Variants in ZNF615 observed in about 807,000 individuals in gnomAD.
ZNF615 encodes the protein zinc finger protein 615.
Under a neutral mutation model 15.3 loss-of-function variants are expected in ZNF615, and 15 were observed. The observed-to-expected ratio is 0.98, with a 90% CI of 0.66 to 1.51. The LOEUF (loss-of-function observed/expected upper bound fraction) is 1.51. ZNF615 is among the 40% of genes most tolerant of loss of function. ZNF615 has a pLI of 0.00. For missense variants in ZNF615, 848 were observed against 895.9 expected, an observed-to-expected ratio of 0.95 and a Z score of 0.68; for synonymous variants, 268 against 294.6, an observed-to-expected ratio of 0.91 and a Z score of 0.92.
intron 4 of ZNF615, 65 bp from the exon 5 acceptor site, chr19:52,001,973 G>C: frequency 4.4e-6 from 7 of 1,600,600 alleles, no homozygotes; most frequent in Non-Finnish European, 6.0e-6. Context: ...TGAAAAAGGA[G>C]AGTTACATTT....
intron 1 of ZNF615, 107 bp downstream of exon 1, chr19:52,008,034 C>T (rs1025054904): frequency 1.7e-5 from 19 of 1,089,086 alleles, no homozygotes; most frequent in Non-Finnish European, 2.5e-5. Flanking sequence ...TCGCCAAACG[C>T]TGGCGCCGAC....
At position 51,993,088 on chromosome 19, in the gene ZNF615, C is replaced by A; in HGVS notation, c.2021G>T (p.Arg674Leu). The change falls in exon 7 of 7, where the codon CGC (arginine) becomes CTC (leucine). Residue 674 changes from arginine to leucine, a missense_variant. Coordinates refer to ENST00000598071, the MANE Select transcript of ZNF615 (RefSeq NM_001199324.2). ...CTGATGTGTAATAAGATCATTTTTG[C>A]GCAAAGAGAATTTTCCACATTCAGT... ...ACTECGKFSL[R>L]KNDLITHQRI... 2 of 1,614,062 alleles carry A rather than the reference C, an allele frequency of 1.2e-6. No individual in the cohort carries two copies. Among genetic ancestry groups the A allele is most frequent in the Non-Finnish European group, 1.7e-6 (2 of 1,179,996 alleles).
rs1180013165 is a variant in ZNF615, at chr19:51,993,155, G to C, written c.1954C>G (p.Gln652Glu). Residue 652 changes from glutamine to glutamate, a missense_variant, in exon 7 of 7, where the codon CAA (glutamine) becomes GAA (glutamate). Coordinates refer to ENST00000598071, the MANE Select transcript of ZNF615 (RefSeq NM_001199324.2). Reference protein sequence around the residue: ...KTFRKKTCLIQHQRFHTGKTS... With the variant: ...KTFRKKTCLIEHQRFHTGKTS... ...TTTCCTGTGTGAAATCGCTGATGTT[G>C]TATGAGGCATGTCTTCTTCCTGAAG... is the stretch of plus-strand genomic sequence containing the variant. The C allele has an allele frequency of 6.2e-7, 1 of 1,614,168 alleles. No individual in the cohort carries two copies. Among genetic ancestry groups the C allele is most frequent in the East Asian group, 2.2e-5 (1 of 44,888 alleles).
At position 51,992,152 on chromosome 19, in the gene ZNF615, T is replaced by C. The variant is rs142352622; in HGVS notation, c.*728A>G. 1 of 152,268 alleles carries C rather than the reference T, an allele frequency of 6.6e-6. No homozygotes were observed. The highest frequency in any genetic ancestry group is 1.9e-4 in the East Asian group (1 of 5,176). The allele number at this position is 152,268 out of a possible 1,614,324, so 9.4% of individuals were successfully genotyped here. On this transcript the variant is annotated 3_prime_UTR_variant, in exon 7 of 7. Coordinates refer to ENST00000598071, the MANE Select transcript of ZNF615 (RefSeq NM_001199324.2). ...CAAAGAAATGCAGGAGCTAATCATA[T>C]AATAAAATGAGGCAGGCATAAAATA...
Position 51,991,746 on chromosome 19 carries a change from A to G in ZNF615, c.*1134T>C, listed in dbSNP as rs927884137. The G allele has an allele frequency of 2.0e-5, 3 of 152,190 alleles. No individual in the cohort carries two copies. Among genetic ancestry groups the G allele is most frequent in the Non-Finnish European group, 4.4e-5 (3 of 68,044 alleles). 9.4% of individuals were successfully genotyped at this position (152,190 alleles called of 1,614,324 possible). ...CAATATATGTGTTAAGATTTCTTAAAGCTACATATAAAAAACAAACAAAAA... is the reference window on the plus strand; with the variant it reads ...CAATATATGTGTTAAGATTTCTTAAGGCTACATATAAAAAACAAACAAAAA... On this transcript the variant is annotated 3_prime_UTR_variant, in exon 7 of 7. Coordinates refer to ENST00000598071, the MANE Select transcript of ZNF615 (RefSeq NM_001199324.2).
At position 51,993,137 on chromosome 19, in the gene ZNF615, T is replaced by C. The variant is rs1599976400; in HGVS notation, c.1972A>G (p.Thr658Ala). The C allele has an allele frequency of 6.2e-7, 1 of 1,614,242 alleles. No homozygotes were observed. Among genetic ancestry groups the C allele is most frequent in the Non-Finnish European group, 8.5e-7 (1 of 1,180,040 alleles). ...GTACATGCAAAGGAAGTCTTTCCTG[T>C]GTGAAATCGCTGATGTTGTATGAGG... Reference protein sequence around the residue: ...TCLIQHQRFHTGKTSFACTEC... With the variant: ...TCLIQHQRFHAGKTSFACTEC... Residue 658 changes from threonine (T) to alanine (A), a missense_variant, in exon 7 of 7, where the codon ACA becomes GCA. Physicochemically the swap from Thr to Ala is moderately conservative, Grantham distance 58. Transcript: ENST00000598071.
rs368758146 is a variant in ZNF615 at position 51,993,963 on chromosome 19, G to A, written c.1146C>T (p.Pro382=). The A allele has an allele frequency of 6.2e-7, 1 of 1,612,060 alleles. No individual in the cohort carries two copies. Among genetic ancestry groups the A allele is most frequent in the East Asian group, 2.2e-5 (1 of 44,772 alleles). Residue 382 remains proline (P), a synonymous_variant, in exon 7 of 7, where the codon CCC becomes CCT. Transcript: ENST00000598071. ...AHHRTHTGEK[P]FICNKCGKGF... The stretch of plus-strand genomic sequence containing the variant: ...CTTTCCCACATTTATTGCATATAAA[G>A]GGTTTCTCACCAGTATGAGTTCGAT...
chr19:51,995,459 T>G (rs2086389994), intron 6 of ZNF615, among the ~76,000 whole-genome samples: 1 of 152,142 alleles, frequency 6.6e-6, no homozygotes, highest in Non-Finnish European at 1.5e-5. Context: ...CCACACAGGT[T>G]GATCCCAAAT....
chr19:52,001,749 G>A (rs1013578168), intron 5 of ZNF615, 64 bp downstream of exon 5: 27 of 1,393,590 alleles, frequency 1.9e-5, no homozygotes, highest in Middle Eastern at 1.8e-4. Context: ...CTGCTTTGAC[G>A]CCTGCTCTGT....
Position 52,003,703 on chromosome 19 carries a change from C to G in ZNF615, c.9G>C (p.Gln3His), listed in dbSNP as rs1220092583. 1.2e-6 allele frequency: 2 copies of G among 1,612,630 alleles called. No individual in the cohort carries two copies. Among genetic ancestry groups the G allele is most frequent in the Non-Finnish European group, 1.7e-6 (2 of 1,179,216 alleles). Residue 3 changes from glutamine to histidine, a missense_variant, in exon 3 of 7, where the codon CAG becomes CAC. Coordinates refer to ENST00000598071, the MANE Select transcript of ZNF615 (RefSeq NM_001199324.2). MM[Q>H]AQESLTLEDV... ...AAAACAAACCAAAAGTCACCTGGGC[C>G]TGCATCATTGTCTCCTAAATTTGGG...
Position 51,994,125 on chromosome 19 carries a change from T to C in ZNF615, c.984A>G (p.Gly328=), listed in dbSNP as rs145867400. The change falls in exon 7 of 7, where the codon GGA becomes GGG. Residue 328 remains glycine, a synonymous_variant. Transcript: ENST00000598071. ...QRTHTGEKPH[G]CSVCGKAFST... is the part of the protein sequence containing the mutation. The stretch of plus-strand genomic sequence containing the variant: ...AGAAGGCCTTCCCACATACACTGCA[T>C]CCATGGGGTTTCTCTCCTGTATGAG... The C allele has an allele frequency of 6.2e-7, 1 of 1,613,994 alleles. No homozygotes were observed. Among genetic ancestry groups the C allele is most frequent in the South Asian group, 1.1e-5 (1 of 91,076 alleles).
chr19:52,006,390 T>G (rs1435768061), intron 2 of ZNF615, among the ~76,000 whole-genome samples: 1 of 152,126 alleles, frequency 6.6e-6, no homozygotes, highest in Non-Finnish European at 1.5e-5. Flanking sequence ...GGCCAACAAG[T>G]AAAGCGACAC....
chr19:51,994,301 G>T lies in ZNF615; in HGVS notation c.808C>A (p.His270Asn). 6.2e-7 allele frequency: 1 copy of T among 1,614,168 alleles called. No individual in the cohort carries two copies. The highest frequency in any genetic ancestry group is 8.5e-7 in the Non-Finnish European group (1 of 1,180,030). The change falls in exon 7 of 7, where the codon CAT becomes AAT. Residue 270 changes from histidine (H) to asparagine (N), a missense_variant. By Grantham distance (68) the His-to-Asn change is moderately conservative (BLOSUM62 1). Coordinates refer to ENST00000598071, the MANE Select transcript of ZNF615 (RefSeq NM_001199324.2). ...DHQRTHTELK[H>N]YECTECDKTF... ...TTGTCACATTCAGTGCATTCATAAT[G>T]TTTCAGTTCTGTATGAGTTCTCTGA...
rs766622708 is a variant in ZNF615, at chr19:51,993,461, G to T, written c.1648C>A (p.Pro550Thr). 2 of 1,613,924 alleles carry T rather than the reference G, an allele frequency of 1.2e-6. No individual in the cohort carries two copies. The highest frequency in any genetic ancestry group is 1.7e-6 in the Non-Finnish European group (2 of 1,180,000). ...GHQRTHTGEK[P>T]YICNECGKGF... Reference sequence around the variant, plus strand: ...TTTCCACACTCATTGCAAATATAAGGTTTCTCTCCTGTATGAGTTCGTTGA... The same window carrying T: ...TTTCCACACTCATTGCAAATATAAGTTTTCTCTCCTGTATGAGTTCGTTGA... Residue 550 changes from proline to threonine, a missense_variant, in exon 7 of 7, where the codon CCT becomes ACT. Physicochemically the swap from Pro to Thr is conservative, Grantham distance 38. Coordinates refer to ENST00000598071, the MANE Select transcript of ZNF615 (RefSeq NM_001199324.2).
At position 51,992,934 on chromosome 19, in the gene ZNF615, C is replaced by A; in HGVS notation, c.2175G>T (p.Gly725=). 1 of 1,614,140 alleles carries A rather than the reference C, an allele frequency of 6.2e-7. No individual in the cohort carries two copies. Among genetic ancestry groups the A allele is most frequent in the Non-Finnish European group, 8.5e-7 (1 of 1,180,020 alleles). ...GERPYGCSDC[G]KAFAHLSILV... is the part of the protein sequence containing the mutation. ...GGATAGACAAGTGCGCAAAAGCTTT[C>A]CCACAATCACTACATCCATAGGGCC... is the stretch of plus-strand genomic sequence containing the variant. The change falls in exon 7 of 7, where the codon GGG becomes GGT. Residue 725 remains glycine (G), a synonymous_variant. Coordinates refer to ENST00000598071, the MANE Select transcript of ZNF615 (RefSeq NM_001199324.2).
At chr19:51,998,119 C>A (rs2123039558) in intron 6 of ZNF615, among the ~76,000 whole-genome samples, 1 of 152,298 alleles carries the variant, frequency 6.6e-6, no homozygotes, top group East Asian at 1.9e-4. Context: ...TGTCACTTCT[C>A]TACTCAAAAC....
intron 6 of ZNF615, among the ~76,000 whole-genome samples, chr19:51,997,337 G>C (rs1239551403): frequency 5.3e-5 from 8 of 152,114 alleles, no homozygotes; most frequent in Admixed American, 5.2e-4. Context: ...ACAGAAGAAT[G>C]TGAGATCCTC....
At chr19:52,000,810 G>A (rs745928705) in intron 5 of ZNF615, among the ~76,000 whole-genome samples, 4 of 151,974 alleles carry the variant, frequency 2.6e-5, no homozygotes. Context: ...AAAATCAGCT[G>A]AGCATGGTGA....
chr19:51,996,465 T>C (rs1041064955), intron 6 of ZNF615, among the ~76,000 whole-genome samples: 1 of 124,512 alleles, frequency 8.0e-6, no homozygotes, highest in Non-Finnish European at 1.7e-5. Flanking sequence ...ATGATGAAAA[T>C]AGGAATATTA....
Sources: gnomAD v4.1 joint callset for allele counts (sites outside exome capture counted in the v4.1 genomes callset) on GRCh38, gnomAD v4.1.1 for gene constraint, MANE v1.5 for transcripts, NCBI Gene and HGNC (gene_info 2026-07-23, HGNC 2026-07-21) for gene names.